KCTD9: variants seen among roughly 807,000 people sequenced by gnomAD.
The protein encoded by KCTD9 is potassium channel tetramerization domain containing 9.
A neutral mutation model predicts 53.3 loss-of-function variants in KCTD9; 17 were observed. The observed-to-expected ratio is 0.32, with a 90% CI of 0.22 to 0.48. The LOEUF is 0.48. Among genes scored for constraint, KCTD9 ranks in the 20% least tolerant of loss-of-function variants. The pLI is 0.99. For synonymous variants in KCTD9, 128 were observed against 162.7 expected (o/e 0.79, Z 1.62); for missense variants, 179 against 465.5 (o/e 0.38, Z 5.66).
chr8:25,458,412 A>T lies in KCTD9; in HGVS notation c.-166T>A, dbSNP rs913183590. The T allele has an allele frequency of 3.9e-6, 3 of 762,854 alleles. No individual in the cohort carries two copies. Among genetic ancestry groups the T allele is most frequent in the Non-Finnish European group, 6.6e-6 (3 of 457,942 alleles). 47.3% of individuals were successfully genotyped at this position (762,854 alleles called of 1,614,324 possible). ...ACCACACGCACGCACTCTGTCCCACACCCAAGGTTCGGCCGGTCCTCCTTC... is the reference window on the plus strand; with the variant it reads ...ACCACACGCACGCACTCTGTCCCACTCCCAAGGTTCGGCCGGTCCTCCTTC... On this transcript the variant is annotated 5_prime_UTR_variant, in exon 1 of 12. Transcript: ENST00000221200.
Position 25,439,322 on chromosome 8 carries a change from C to T in KCTD9, c.456G>A (p.Leu152=). The change falls in exon 6 of 12, where the codon TTG becomes TTA. Residue 152 remains leucine (L), a synonymous_variant. Transcript: ENST00000221200. ...CATTTACAATGAGCTGTCCATGACG[C>T]AAGTAGTTCAAAATGGGTTCGAAGT... ...PEYFEPILNY[L]RHGQLIVNDG... is the part of the protein sequence containing the mutation. 2.5e-6 allele frequency: 4 copies of T among 1,612,762 alleles called. No individual in the cohort carries two copies. Among genetic ancestry groups the T allele is most frequent in the Non-Finnish European group, 3.4e-6 (4 of 1,179,516 alleles).
chr8:25,449,855 T>A (rs924121192), intron 1 of KCTD9, among the ~76,000 whole-genome samples: 3 of 152,176 alleles, frequency 2.0e-5, no homozygotes, highest in African/African-American at 7.2e-5. Context: ...ACACAACTAT[T>A]TTAATTCTAT....
At position 25,436,226 on chromosome 8, in the gene KCTD9, G is replaced by A; in HGVS notation, c.663+9C>T. 1.3e-6 allele frequency: 2 copies of A among 1,521,222 alleles called. No homozygotes were observed. The highest frequency in any genetic ancestry group is 1.8e-6 in the Non-Finnish European group (2 of 1,097,156). 94.2% of individuals were successfully genotyped at this position (1,521,222 alleles called of 1,614,324 possible). A position where few individuals can be genotyped will look rare whatever the true frequency, so the allele number is the denominator to read the frequency against. On this transcript the variant is annotated intron_variant, in intron 8 of 11. Transcript: ENST00000221200. ...ATAGAAATAATTGATGTAAAAGCCT[G>A]CTAATTACCTGGCATCGCAGTTCTG... is the stretch of plus-strand genomic sequence containing the variant.
In KCTD9 at chr8:25,435,526, G is replaced by T; in HGVS notation, c.664-14C>A. 1 of 1,580,030 alleles carries T rather than the reference G, an allele frequency of 6.3e-7. No homozygotes were observed. Among genetic ancestry groups the T allele is most frequent in the Non-Finnish European group, 8.6e-7 (1 of 1,164,908 alleles). On this transcript the variant is annotated splice_polypyrimidine_tract_variant and intron_variant, in intron 8 of 11. Transcript: ENST00000221200. ...GAAGTTCAAACCCTGAAATAAAAAA[G>T]CACAAATTGTCACCATAACTAAATC... is the stretch of plus-strand genomic sequence containing the variant.
chr8:25,445,273 T>G (rs1216888143), intron 2 of KCTD9, among the ~76,000 whole-genome samples: 1 of 152,164 alleles, frequency 6.6e-6, no homozygotes, highest in African/African-American at 2.4e-5. Context: ...ATGACCTGAG[T>G]GAGTCCTCAG....
Position 25,444,337 on chromosome 8 carries a change from TG to T in KCTD9, c.171-3del. On this transcript the variant is annotated splice_polypyrimidine_tract_variant and splice_region_variant and intron_variant, in intron 2 of 11. Coordinates refer to ENST00000221200, the MANE Select transcript of KCTD9 (RefSeq NM_017634.4). ...CAAACAAACAAAACATCATCATCCC[TG>T]GGGAAATCAAAATTTAAAAAGCTAC... 6.2e-7 allele frequency: 1 copy of T among 1,607,790 alleles called. No individual in the cohort carries two copies. The highest frequency in any genetic ancestry group is 8.5e-7 in the Non-Finnish European group (1 of 1,177,926).
intron 2 of KCTD9, among the ~76,000 whole-genome samples, chr8:25,445,499 C>G (rs1013800908): frequency 6.6e-6 from 1 of 152,122 alleles, no homozygotes; most frequent in Non-Finnish European, 1.5e-5. Context: ...GCAATGATAA[C>G]ATAAGTGGCA....
intron 1 of KCTD9, among the ~76,000 whole-genome samples, chr8:25,452,398 A>G (rs1802341634): frequency 6.6e-6 from 1 of 152,204 alleles, no homozygotes; most frequent in Non-Finnish European, 1.5e-5. Flanking sequence ...GCAAAACTGA[A>G]TATTTACATA....
intron 1 of KCTD9, among the ~76,000 whole-genome samples, chr8:25,449,532 C>T (rs537218677): frequency 2.0e-5 from 3 of 151,386 alleles, no homozygotes; most frequent in East Asian, 1.9e-4. Context: ...CTTGAATTGT[C>T]GTCTACTTCC....
At chr8:25,455,365 T>TG (rs1802413580) in intron 1 of KCTD9, among the ~76,000 whole-genome samples, 1 of 152,188 alleles carries the variant, frequency 6.6e-6, no homozygotes, top group East Asian at 1.9e-4. Flanking sequence ...CTAACTAGGA[T>TG]GACTCATCCT....
intron 6 of KCTD9, among the ~76,000 whole-genome samples, chr8:25,437,847 C>CAAAAAAAAAAAAAAAAAAAAA (rs59540797): frequency 1.6e-5 from 1 of 62,544 alleles, no homozygotes; most frequent in African/African-American, 7.1e-5. Flanking sequence ...GACCCTGTCT[C>CAAAAAAAAAAAAAAAAAAAAA]AAAAAAAAAA....
In KCTD9 at chr8:25,430,096, T is replaced by C. The variant is rs761633490; in HGVS notation, c.1054-123A>G. 31 of 675,510 alleles carry C rather than the reference T, an allele frequency of 4.6e-5. 1 individual carries two copies. Among genetic ancestry groups the C allele is most frequent in the East Asian group, 5.2e-5 (2 of 38,410 alleles). 41.8% of individuals were successfully genotyped at this position (675,510 alleles called of 1,614,324 possible). On this transcript the variant is annotated intron_variant, in intron 11 of 11. Coordinates refer to ENST00000221200, the MANE Select transcript of KCTD9 (RefSeq NM_017634.4). The stretch of plus-strand genomic sequence containing the variant: ...TCTTATACAATAAAACTCAGTTAAT[T>C]TCCGGAAAACTGATGATACACCACC...
chr8:25,450,081 G>A (rs1434145721), intron 1 of KCTD9, among the ~76,000 whole-genome samples: 1 of 152,160 alleles, frequency 6.6e-6, no homozygotes, highest in Non-Finnish European at 1.5e-5. Flanking sequence ...TTCCTTGTAG[G>A]CTGTAAAACT....
At chr8:25,441,597 G>C (rs1473236811) in intron 3 of KCTD9, among the ~76,000 whole-genome samples, 2 of 151,928 alleles carry the variant, frequency 1.3e-5, no homozygotes, top group African/African-American at 2.4e-5. Flanking sequence ...AGAAATAAAA[G>C]AAAAATGATT....
intron 11 of KCTD9, among the ~76,000 whole-genome samples, chr8:25,431,010 T>A (rs538370548): frequency 2.3e-4 from 35 of 152,196 alleles, no homozygotes; most frequent in Non-Finnish European, 1.0e-4. Context: ...TTTCTATTTT[T>A]AGTAGAGACG....
intron 11 of KCTD9, among the ~76,000 whole-genome samples, chr8:25,430,986 C>A (rs572558316): frequency 6.6e-6 from 1 of 152,022 alleles, no homozygotes; most frequent in African/African-American, 2.4e-5. Flanking sequence ...CTCACCACCA[C>A]GCCTGGCTAA....
rs769632762 is a variant in KCTD9, at chr8:25,439,472, G to GA, written c.371-66dup. 1,688 of 1,564,980 alleles carry GA rather than the reference G, an allele frequency of 1.1e-3. 3 individuals carry two copies. The highest frequency in any genetic ancestry group is 1.4e-3 in the Non-Finnish European group (1,593 of 1,154,964). ...AAAAATAAAGTCAGAAATGTATGAG[G>GA]AAAAAATTGCTAAATATAAGTTTTT... On this transcript the variant is annotated intron_variant, in intron 5 of 11. Transcript: ENST00000221200.
Position 25,446,258 on chromosome 8 carries a change from C to T in KCTD9, c.49-8G>A, listed in dbSNP as rs1802211934. On this transcript the variant is annotated splice_polypyrimidine_tract_variant and splice_region_variant and intron_variant, in intron 1 of 11. Coordinates refer to ENST00000221200, the MANE Select transcript of KCTD9 (RefSeq NM_017634.4). ...TCCATATACAGCAACCACCTGTAAA[C>T]ACACCAGAATAATATGAACAATTTC... 2 of 1,613,450 alleles carry T rather than the reference C, an allele frequency of 1.2e-6. No individual in the cohort carries two copies. The highest frequency in any genetic ancestry group is 1.7e-5 in the Admixed American group (1 of 59,978).
chr8:25,439,001 G>A (rs1039985992), intron 6 of KCTD9, among the ~76,000 whole-genome samples: 1 of 152,136 alleles, frequency 6.6e-6, no homozygotes, highest in Admixed American at 6.5e-5. Flanking sequence ...GTGATAGAAC[G>A]TAAATCAATT....
Sources: gnomAD v4.1 joint callset for allele counts (sites outside exome capture counted in the v4.1 genomes callset) on GRCh38, gnomAD v4.1.1 for gene constraint, MANE v1.5 for transcripts, NCBI Gene and HGNC (gene_info 2026-07-23, HGNC 2026-07-21) for gene names.